The following SPAG17 variants were observed in gnomAD, a reference collection of about 807,000 sequenced individuals.
SPAG17 encodes sperm associated antigen 17, also known as sperm-associated antigen 17.
Under a neutral mutation model 273.6 loss-of-function variants are expected in SPAG17, and 169 were observed. The observed-to-expected ratio is 0.62, with a 90% CI of 0.55 to 0.70. The LOEUF (loss-of-function observed/expected upper bound fraction) is 0.70. Ranked by LOEUF, SPAG17 falls within the 30% of genes least tolerant of loss-of-function variation. The probability of loss-of-function intolerance (pLI) is 0.00; values close to 1 mark genes in which losing one functional copy is unlikely to be tolerated. For synonymous variants in SPAG17, 825 were observed against 873.2 expected (o/e 0.94, Z 0.97); for missense variants, 2,557 against 2,627.8 (o/e 0.97, Z 0.59).
chr1:118,108,950 T>C (rs929303351), intron 4 of SPAG17, among the ~76,000 whole-genome samples: 1 of 152,192 alleles, frequency 6.6e-6, no homozygotes, highest in Non-Finnish European at 1.5e-5. Context: ...TAAAAAATTC[T>C]CCTTCTCTAT....
chr1:117,962,150 A>G (rs1653183428), intron 48 of SPAG17: 1 of 152,058 alleles, frequency 6.6e-6, no homozygotes, highest in Non-Finnish European at 1.5e-5. Context: ...TAGGGAATGT[A>G]AAGATGTTTC....
intron 10 of SPAG17, among the ~76,000 whole-genome samples, chr1:118,090,631 C>T (rs1468749893): frequency 6.6e-6 from 1 of 152,050 alleles, no homozygotes; most frequent in Non-Finnish European, 1.5e-5. Flanking sequence ...TGATTATAAT[C>T]CCAGTGCTTT....
intron 18 of SPAG17, among the ~76,000 whole-genome samples, chr1:118,063,536 A>G (rs1426948566): frequency 6.6e-6 from 1 of 152,228 alleles, no homozygotes; most frequent in Non-Finnish European, 1.5e-5. Flanking sequence ...AGCCATATGT[A>G]GAAAGCTGAA....
chr1:118,030,676 A>G (rs7548489), intron 25 of SPAG17, among the ~76,000 whole-genome samples: 108,855 of 151,912 alleles, frequency 0.72, 40,271 homozygotes, highest in African/African-American at 0.91. Context: ...CCATTTATGA[A>G]TGAGAACATG....
chr1:118,103,176 T>C (rs1234373019), intron 4 of SPAG17, among the ~76,000 whole-genome samples: 2 of 152,030 alleles, frequency 1.3e-5, no homozygotes, highest in Admixed American at 1.3e-4. Context: ...AATACATCCC[T>C]GGAGTGGAAG....
rs1224498551 is a variant in SPAG17 at position 118,081,140 on chromosome 1, C to T, written c.2170G>A (p.Glu724Lys). ...VPDNRQLLEQ[E>K]SIMKAQPQHE... ...TGGGGCTGAGCCTTCATGATGCTCT[C>T]CTGCTCTAACAGCTGTCTATTATCA... Residue 724 changes from glutamate (E) to lysine (K), a missense_variant, in exon 15 of 49, where the codon GAG becomes AAG. Transcript: ENST00000336338. 6.2e-7 allele frequency: 1 copy of T among 1,614,016 alleles called. No homozygotes were observed. The highest frequency in any genetic ancestry group is 8.5e-7 in the Non-Finnish European group (1 of 1,179,982).
chr1:117,971,108 G>A (rs1654504034), intron 45 of SPAG17, among the ~76,000 whole-genome samples: 1 of 152,036 alleles, frequency 6.6e-6, no homozygotes, highest in African/African-American at 2.4e-5. Context: ...ATTCTTGAAG[G>A]ACTTACCACT....
At chr1:118,019,856 C>T (rs750482895) in intron 28 of SPAG17, among the ~76,000 whole-genome samples, 6 of 152,024 alleles carry the variant, frequency 3.9e-5, no homozygotes, top group South Asian at 2.1e-4. Flanking sequence ...TTATATACCT[C>T]GTGAAATTAT....
chr1:118,102,994 A>G (rs1057073605), intron 4 of SPAG17, among the ~76,000 whole-genome samples: 5 of 152,198 alleles, frequency 3.3e-5, no homozygotes, highest in African/African-American at 1.2e-4. Flanking sequence ...TCCTCAGCAG[A>G]AGGGGACATC....
intron 32 of SPAG17, among the ~76,000 whole-genome samples, chr1:118,000,793 C>G (rs1412253273): frequency 2.0e-5 from 3 of 152,140 alleles, no homozygotes; most frequent in African/African-American, 2.4e-5. Flanking sequence ...TTCCTCTTTT[C>G]CTAATTGAAT....
intron 19 of SPAG17, among the ~76,000 whole-genome samples, chr1:118,055,451 G>A (rs138270784): frequency 2.7e-3 from 415 of 152,178 alleles, no homozygotes; most frequent in African/African-American, 9.6e-3. Context: ...AAAGGCATTT[G>A]GCATTTCTCT....
chr1:118,092,798 C>T (rs547853571), intron 8 of SPAG17, among the ~76,000 whole-genome samples: 1 of 152,322 alleles, frequency 6.6e-6, no homozygotes, highest in South Asian at 2.1e-4. Flanking sequence ...AAAAGTTAAC[C>T]TCAATGAGGA....
chr1:118,067,151 A>G (rs1653065033), intron 17 of SPAG17, among the ~76,000 whole-genome samples: 1 of 152,174 alleles, frequency 6.6e-6, no homozygotes, highest in African/African-American at 2.4e-5. Flanking sequence ...CGCTTGCTAC[A>G]AGTGTTCTTC....
chr1:118,128,336 G>A (rs530018958), intron 3 of SPAG17, among the ~76,000 whole-genome samples: 23 of 151,930 alleles, frequency 1.5e-4, no homozygotes, highest in Non-Finnish European at 2.2e-4. Context: ...AAATCGTGTC[G>A]ACTGCAAAGA....
At chr1:118,044,795 C>A (rs1036517382) in intron 20 of SPAG17, among the ~76,000 whole-genome samples, 1 of 152,070 alleles carries the variant, frequency 6.6e-6, no homozygotes, top group Non-Finnish European at 1.5e-5. Flanking sequence ...CTCTTCCTCC[C>A]GCTCTAGTCA....
chr1:118,051,736 G>A (rs1281431130), intron 20 of SPAG17, among the ~76,000 whole-genome samples: 5 of 140,580 alleles, frequency 3.6e-5, no homozygotes, highest in African/African-American at 1.3e-4. Context: ...TATATGATAT[G>A]GTTTATATAT....
chr1:118,104,331 G>C (rs759512990), intron 4 of SPAG17, among the ~76,000 whole-genome samples: 87 of 152,312 alleles, frequency 5.7e-4, no homozygotes, highest in Non-Finnish European at 1.0e-3. Flanking sequence ...TGGTGTCACA[G>C]AGATAGAGAA....
chr1:118,093,449 A>C lies in SPAG17; in HGVS notation c.1012-132T>G. ...AAGCAAACCCCTAAATCTCCAAACCACTGAATCCCAACCATGGTGACCCCA... is the reference window on the plus strand; with the variant it reads ...AAGCAAACCCCTAAATCTCCAAACCCCTGAATCCCAACCATGGTGACCCCA... On this transcript the variant is annotated intron_variant, in intron 7 of 48. Transcript: ENST00000336338. The C allele has an allele frequency of 4.8e-6, 4 of 827,152 alleles. No individual in the cohort carries two copies. The South Asian group carries it at 8.5e-5, about 18-fold the overall frequency. The allele number at this position is 827,152 out of a possible 1,614,324, so 51.2% of individuals were successfully genotyped here.
intron 38 of SPAG17, 130 bp from the exon 39 acceptor site, chr1:117,988,334 C>T: frequency 1.9e-6 from 1 of 535,202 alleles, no homozygotes; most frequent in East Asian, 3.2e-5. Context: ...TTTACTAGGA[C>T]TTACATGACC....
Sources: allele counts gnomAD v4.1 joint callset (sites outside exome capture counted in the v4.1 genomes callset), GRCh38; gene constraint gnomAD v4.1.1; transcripts MANE v1.5; gene names NCBI Gene and HGNC (gene_info 2026-07-23, HGNC 2026-07-21).